Variants in PELI1 observed in about 807,000 individuals in gnomAD.
PELI1 encodes E3 ubiquitin-protein ligase pellino homolog 1.
PELI1 carries 15 observed loss-of-function variants against 41.3 expected under a neutral mutation model. The ratio of observed to expected loss-of-function variants is 0.36; its 90% CI spans 0.24 to 0.56. The LOEUF (loss-of-function observed/expected upper bound fraction) is 0.56, where lower values mean the gene tolerates loss of function less well. Ranked by LOEUF, PELI1 falls within the 20% of genes least tolerant of loss-of-function variation. PELI1 has a pLI of 0.82. For synonymous variants in PELI1, 178 were observed against 180.1 expected, an observed-to-expected ratio of 0.99 and a Z score of 0.09; for missense variants, 403 against 525.5, an observed-to-expected ratio of 0.77 and a Z score of 2.28.
chr2:64,114,189 GATTTCCATCTATACTAGAGTTT>G (rs1279745190), intron 1 of PELI1, among the ~76,000 whole-genome samples: 2 of 152,166 alleles, frequency 1.3e-5, no homozygotes, highest in Non-Finnish European at 2.9e-5. Context: ...AGATAAAACA[GATTTCCATCTATACTAGAGTTT>G]CCTTGTGGCT....
rs1429166670 is a variant in PELI1, at chr2:64,095,398, C to G, written c.691-130G>C. The G allele has an allele frequency of 1.3e-5, 8 of 613,368 alleles. No homozygotes were observed. The African/African-American group carries it at 1.5e-4, about 11-fold the overall frequency. 38.0% of individuals were successfully genotyped at this position (613,368 alleles called of 1,614,324 possible). Reference sequence around the variant, plus strand: ...GGATTTTCACTAAATATTCAAGAAACTGACAGTAGTTATGAAAAATGTTAA... The same window carrying G: ...GGATTTTCACTAAATATTCAAGAAAGTGACAGTAGTTATGAAAAATGTTAA... On this transcript the variant is annotated intron_variant, in intron 6 of 6. Transcript: ENST00000358912.
At chr2:64,143,823 C>G (rs1181080642) in intron 1 of PELI1, among the ~76,000 whole-genome samples, 1 of 151,838 alleles carries the variant, frequency 6.6e-6, no homozygotes, top group Non-Finnish European at 1.5e-5. Context: ...TCGGAGTTGG[C>G]CGCCGCGCGC....
Position 64,096,238 on chromosome 2 carries a change from G to T in PELI1, c.577C>A (p.Pro193Thr), listed in dbSNP as rs757111448. ...GAGTCTTCTGTGAACCCATTGCGTGGATGCATCACAAGAACACCATTAGTG... is the reference window on the plus strand; with the variant it reads ...GAGTCTTCTGTGAACCCATTGCGTGTATGCATCACAAGAACACCATTAGTG... The part of the protein sequence containing the change: ...LTTNGVLVMH[P>T]RNGFTEDSKP... The change falls in exon 6 of 7, where the codon CCA becomes ACA. Residue 193 changes from proline to threonine, a missense_variant. Coordinates refer to ENST00000358912, the MANE Select transcript of PELI1 (RefSeq NM_020651.4). The T allele has an allele frequency of 6.2e-7, 1 of 1,613,606 alleles. No individual in the cohort carries two copies. The highest frequency in any genetic ancestry group is 2.2e-5 in the East Asian group (1 of 44,876).
At chr2:64,095,508 G>C (rs1680203307) in intron 6 of PELI1, among the ~76,000 whole-genome samples, 1 of 152,068 alleles carries the variant, frequency 6.6e-6, no homozygotes, top group Non-Finnish European at 1.5e-5. Flanking sequence ...TAAAACATCT[G>C]GCTAATCAAT....
intron 1 of PELI1, among the ~76,000 whole-genome samples, chr2:64,122,072 A>C (rs1263034495): frequency 6.6e-6 from 1 of 152,132 alleles, no homozygotes; most frequent in Non-Finnish European, 1.5e-5. Flanking sequence ...TGCTTTCTTT[A>C]CAATGATGTT....
chr2:64,112,939 T>G (rs1013296754), intron 1 of PELI1, among the ~76,000 whole-genome samples: 3 of 152,070 alleles, frequency 2.0e-5, no homozygotes, highest in Admixed American at 1.3e-4. Context: ...ACTGTCTTTA[T>G]ATATTCTCTC....
chr2:64,100,683 G>T (rs116071906), intron 3 of PELI1, among the ~76,000 whole-genome samples, 184 bp from the exon 4 acceptor site: 4 of 152,172 alleles, frequency 2.6e-5, no homozygotes, highest in East Asian at 1.9e-4. Flanking sequence ...GTTGAATGGG[G>T]TACTGAAGAA....
At chr2:64,130,635 A>G (rs1165416850) in intron 1 of PELI1, among the ~76,000 whole-genome samples, 2 of 152,218 alleles carry the variant, frequency 1.3e-5, no homozygotes, top group African/African-American at 4.8e-5. Flanking sequence ...CTTAATATTG[A>G]AGAAATAAGG....
chr2:64,141,310 A>C (rs12614186), intron 1 of PELI1, among the ~76,000 whole-genome samples: 83,360 of 122,928 alleles, frequency 0.68, 27,306 homozygotes, highest in African/African-American at 0.88. Context: ...TCCCGCCCCC[A>C]CCCCAAAGGA....
chr2:64,100,604 T>A, intron 3 of PELI1, 105 bp from the exon 4 acceptor site: 1 of 713,030 alleles, frequency 1.4e-6, no homozygotes, highest in Non-Finnish European at 2.5e-6. Flanking sequence ...ACATGACATA[T>A]TTATACATTT....
intron 1 of PELI1, among the ~76,000 whole-genome samples, chr2:64,116,426 G>T (rs912799341): frequency 6.6e-6 from 1 of 152,180 alleles, no homozygotes; most frequent in Non-Finnish European, 1.5e-5. Flanking sequence ...AATTCAGTGG[G>T]ATTTGGCAGT....
At chr2:64,112,681 A>G (rs981851621) in intron 1 of PELI1, among the ~76,000 whole-genome samples, 4 of 152,234 alleles carry the variant, frequency 2.6e-5, no homozygotes, top group Non-Finnish European at 4.4e-5. Context: ...ATCTAAACCC[A>G]AAATAAAACA....
chr2:64,094,746 C>A lies in PELI1; in HGVS notation c.1213G>T (p.Glu405Ter). 6.2e-7 allele frequency: 1 copy of A among 1,614,134 alleles called. No individual in the cohort carries two copies. Among genetic ancestry groups the A allele is most frequent in the South Asian group, 1.1e-5 (1 of 91,074 alleles). ...CPFCAHQLAG[E>*]QGYIRLIFQG... is the part of the protein sequence containing the mutation. ...AAAATAAGTCTGATGTAGCCTTGTT[C>A]ACCAGCCAACTGATGTGCACAAAAG... is the stretch of plus-strand genomic sequence containing the variant. Residue 405 changes from glutamate to a stop codon, truncating the protein, a stop_gained, in exon 7 of 7, where the codon GAA becomes TAA. Transcript: ENST00000358912. LOFTEE classifies it high-confidence loss of function.
At chr2:64,098,294 G>T (rs549048181) in intron 4 of PELI1, among the ~76,000 whole-genome samples, 2 of 152,192 alleles carry the variant, frequency 1.3e-5, no homozygotes, top group East Asian at 3.9e-4. Flanking sequence ...AAACTCAATG[G>T]TTCCTTATAG....
chr2:64,125,685 T>A (rs1681360630), intron 1 of PELI1, among the ~76,000 whole-genome samples: 4 of 152,194 alleles, frequency 2.6e-5, no homozygotes, highest in Admixed American at 2.6e-4. Context: ...GAAGTCAAAA[T>A]CTTCTAATAA....
At chr2:64,129,133 TA>T (rs1423387153) in intron 1 of PELI1, among the ~76,000 whole-genome samples, 2 of 152,102 alleles carry the variant, frequency 1.3e-5, no homozygotes, top group East Asian at 3.8e-4. Context: ...TTGGTATCAA[TA>T]AAAAGCAATC....
chr2:64,095,894 C>T (rs1160997507), intron 6 of PELI1, among the ~76,000 whole-genome samples: 4 of 152,160 alleles, frequency 2.6e-5, no homozygotes, highest in Admixed American at 1.3e-4. Context: ...CCATCTGCCT[C>T]GGCCTTCCAA....
intron 2 of PELI1, among the ~76,000 whole-genome samples, chr2:64,105,401 G>A (rs1049226644): frequency 6.6e-6 from 1 of 152,074 alleles, no homozygotes; most frequent in African/African-American, 2.4e-5. Context: ...TACTTTTGTT[G>A]TTCAGATCTT....
intron 1 of PELI1, among the ~76,000 whole-genome samples, chr2:64,111,575 C>A (rs184266587): frequency 4.9e-4 from 74 of 152,178 alleles, no homozygotes; most frequent in African/African-American, 1.7e-3. Flanking sequence ...TAAAAGGTTA[C>A]AGAAACCAAT....
Sources: gnomAD v4.1 joint callset for allele counts (sites outside exome capture counted in the v4.1 genomes callset) on GRCh38, gnomAD v4.1.1 for gene constraint, MANE v1.5 for transcripts, NCBI Gene and HGNC (gene_info 2026-07-23, HGNC 2026-07-21) for gene names.